TPD52: variants seen among roughly 807,000 people sequenced by gnomAD.
The protein encoded by TPD52 is tumor protein D52, also known as prostate and colon associated protein.
A neutral mutation model predicts 31.3 loss-of-function variants in TPD52; 17 were observed. The ratio of observed to expected loss-of-function variants is 0.54; its 90% confidence interval spans 0.37 to 0.82. The LOEUF is 0.82. Among genes scored for constraint, TPD52 ranks in the 40% least tolerant of loss-of-function variants. The probability of loss-of-function intolerance (pLI) is 0.00; values close to 1 mark genes in which losing one functional copy is unlikely to be tolerated. For synonymous variants in TPD52, 83 were observed against 89.6 expected (o/e 0.93, Z 0.42); for missense variants, 212 against 240.1 (o/e 0.88, Z 0.77).
rs746074553 is a variant in TPD52 at position 80,064,461 on chromosome 8, A to G, written c.135+17T>C. 3.1e-6 allele frequency: 5 copies of G among 1,599,042 alleles called. No individual in the cohort carries two copies. The Admixed American group carries it at 6.7e-5, about 21-fold the overall frequency. On this transcript the variant is annotated intron_variant, in intron 2 of 7. Transcript: ENST00000518937. ...TTTAAGTGCAAAAATAAAGTTGCAA[A>G]AGGAATGGTTCTTTACCTTTGCAAG... is the stretch of plus-strand genomic sequence containing the variant.
intron 1 of TPD52, among the ~76,000 whole-genome samples, chr8:80,142,529 C>A (rs1377861367): frequency 6.6e-6 from 1 of 152,120 alleles, no homozygotes; most frequent in African/African-American, 2.4e-5. Flanking sequence ...GCCAAGAGTT[C>A]GAGACCAGCC....
At chr8:80,129,875 T>C (rs1808904533) in intron 1 of TPD52, among the ~76,000 whole-genome samples, 1 of 152,128 alleles carries the variant, frequency 6.6e-6, no homozygotes. Flanking sequence ...AATTTTTGTA[T>C]TTTTAGTAGA....
In TPD52 at chr8:80,037,695, G is replaced by T. The variant is rs2130326529; in HGVS notation, c.*421C>A. On this transcript the variant is annotated 3_prime_UTR_variant, in exon 8 of 8. Transcript: ENST00000518937. ...TTACCAGGATTCAGAATATTTAAGA[G>T]AACAATTTTAGTTAAGAATCAAATA... The T allele has an allele frequency of 6.5e-6, 1 of 153,382 alleles. No individual in the cohort carries two copies. Among genetic ancestry groups the T allele is most frequent in the East Asian group, 1.9e-4 (1 of 5,222 alleles). The allele number at this position is 153,382 out of a possible 1,614,324, so 9.5% of individuals were successfully genotyped here. A position where few individuals can be genotyped will look rare whatever the true frequency, so the allele number is the denominator to read the frequency against.
At chr8:80,058,286 T>G (rs74413370) in intron 2 of TPD52, among the ~76,000 whole-genome samples, 101 of 152,248 alleles carry the variant, frequency 6.6e-4, no homozygotes, top group Non-Finnish European at 1.1e-3. Flanking sequence ...AAAACTTACA[T>G]GAAGGTATTT....
At chr8:80,107,292 C>T (rs1292802731) in intron 1 of TPD52, among the ~76,000 whole-genome samples, 1 of 152,200 alleles carries the variant, frequency 6.6e-6, no homozygotes, top group African/African-American at 2.4e-5. Context: ...CCAAGCATTA[C>T]ATCAATTCAG....
At chr8:80,044,307 T>C in intron 5 of TPD52, 99 bp from the exon 6 acceptor site, 1 of 904,738 alleles carries the variant, frequency 1.1e-6, no homozygotes, top group Admixed American at 3.4e-5. Context: ...GGAGCTTTAT[T>C]CTCTTGGCGC....
chr8:80,095,846 G>A (rs559387904), intron 1 of TPD52, among the ~76,000 whole-genome samples: 67 of 152,318 alleles, frequency 4.4e-4, no homozygotes, highest in African/African-American at 1.5e-3. Context: ...TACTCAGGAG[G>A]CTGAGGCAGG....
chr8:80,157,136 A>C (rs1440002153), intron 1 of TPD52, among the ~76,000 whole-genome samples: 3 of 152,174 alleles, frequency 2.0e-5, no homozygotes, highest in Non-Finnish European at 4.4e-5. Flanking sequence ...TACTTTTCAA[A>C]TTTAGTATCT....
chr8:80,119,878 T>C, intron 1 of TPD52: 1 of 399,730 alleles, frequency 2.5e-6, no homozygotes, highest in Non-Finnish European at 4.9e-6. Flanking sequence ...CCAGATGAAA[T>C]AAAAAGCTAT....
intron 1 of TPD52, among the ~76,000 whole-genome samples, chr8:80,118,685 A>G (rs1808041009): frequency 1.3e-5 from 2 of 152,250 alleles, no homozygotes; most frequent in African/African-American, 4.8e-5. Flanking sequence ...GATGGCCAAC[A>G]TCATTAGACA....
At chr8:80,045,482 C>A (rs1810751065) in intron 5 of TPD52, among the ~76,000 whole-genome samples, 1 of 152,176 alleles carries the variant, frequency 6.6e-6, no homozygotes, top group South Asian at 2.1e-4. Flanking sequence ...AGACTCTTAT[C>A]CTAGCATATT....
intron 1 of TPD52, among the ~76,000 whole-genome samples, chr8:80,110,540 G>A (rs1471592479): frequency 1.3e-5 from 2 of 150,054 alleles, no homozygotes; most frequent in Non-Finnish European, 2.9e-5. Context: ...TGCACATTGT[G>A]CACATGTACC....
chr8:80,044,177 G>A lies in TPD52; in HGVS notation c.445C>T (p.Pro149Ser). The change falls in exon 6 of 8, where the codon CCT becomes TCT. Residue 149 changes from proline (P) to serine (S), a missense_variant. By Grantham distance (74) the Pro-to-Ser change is moderately conservative. Coordinates refer to ENST00000518937, the MANE Select transcript of TPD52 (RefSeq NM_001025253.3). ...AAAAATATACTTTACCTCATAGCAGGCATGCTAATTGAATGCTGAATGGAA... is the reference window on the plus strand; with the variant it reads ...AAAAATATACTTTACCTCATAGCAGACATGCTAATTGAATGCTGAATGGAA... ...IRSIQHSISM[P>S]AMRNSPTFKS... 1 of 1,583,864 alleles carries A rather than the reference G, an allele frequency of 6.3e-7. No individual in the cohort carries two copies. Among genetic ancestry groups the A allele is most frequent in the South Asian group, 1.2e-5 (1 of 85,048 alleles).
chr8:80,135,431 C>G (rs867218224), intron 1 of TPD52, among the ~76,000 whole-genome samples: 31 of 152,032 alleles, frequency 2.0e-4, no homozygotes, highest in Admixed American at 1.4e-3. Context: ...AGCCTACCTG[C>G]CCCCCAGGAG....
chr8:80,166,508 A>G (rs1586433995), intron 1 of TPD52, among the ~76,000 whole-genome samples: 1 of 151,768 alleles, frequency 6.6e-6, no homozygotes, highest in East Asian at 2.0e-4. Context: ...CTGAGATTAC[A>G]GGCATGAGCC....
chr8:80,154,924 GCTA>G (rs879557899), intron 1 of TPD52, among the ~76,000 whole-genome samples: 4 of 151,724 alleles, frequency 2.6e-5, no homozygotes, highest in African/African-American at 4.8e-5. Flanking sequence ...GACCTTTGAG[GCTA>G]CTATTATAAT....
chr8:80,076,664 A>C (rs901809420), intron 1 of TPD52, among the ~76,000 whole-genome samples: 1 of 134,566 alleles, frequency 7.4e-6, no homozygotes, highest in Non-Finnish European at 1.6e-5. Flanking sequence ...CTGAACCTCA[A>C]ATAAAAGGGT....
Position 80,037,925 on chromosome 8 carries a change from A to C in TPD52, c.*191T>G. ...AATAAAGGAACATAAATGTACACTAAAGGGTGTTTCCCAAGAATAGAGGTG... is the reference window on the plus strand; with the variant it reads ...AATAAAGGAACATAAATGTACACTACAGGGTGTTTCCCAAGAATAGAGGTG... On this transcript the variant is annotated 3_prime_UTR_variant, in exon 8 of 8. Transcript: ENST00000518937. 1.6e-6 allele frequency: 1 copy of C among 639,978 alleles called. No homozygotes were observed. Among genetic ancestry groups the C allele is most frequent in the East Asian group, 2.8e-5 (1 of 35,472 alleles). 39.6% of individuals were successfully genotyped at this position (639,978 alleles called of 1,614,324 possible).
chr8:80,137,801 A>G (rs1412410304), intron 1 of TPD52, among the ~76,000 whole-genome samples: 1 of 152,126 alleles, frequency 6.6e-6, no homozygotes, highest in Non-Finnish European at 1.5e-5. Context: ...TATTTCAGCA[A>G]GGTAGGGTGG....
Sources: gnomAD v4.1 joint callset for allele counts (sites outside exome capture counted in the v4.1 genomes callset) on GRCh38, gnomAD v4.1.1 for gene constraint, MANE v1.5 for transcripts, NCBI Gene and HGNC (gene_info 2026-07-23, HGNC 2026-07-21) for gene names.